ERAP2: variants seen among roughly 807,000 people sequenced by gnomAD.
ERAP2 encodes endoplasmic reticulum aminopeptidase 2.
Under a neutral mutation model 111.1 loss-of-function variants are expected in ERAP2, and 118 were observed. That is an observed-to-expected ratio of 1.06 (90% CI 0.92 to 1.24). The LOEUF is 1.24. ERAP2 is among the 50% of genes most tolerant of loss of function. The pLI, the probability that ERAP2 is intolerant of heterozygous loss-of-function variation, is 0.00. For synonymous variants in ERAP2, 410 were observed against 401.2 expected, an observed-to-expected ratio of 1.02 and a Z score of -0.26; for missense variants, 1,131 against 1,125.8, an observed-to-expected ratio of 1.00 and a Z score of -0.07.
At position 96,903,428 on chromosome 5, in the gene ERAP2, C is replaced by G; in HGVS notation, c.1880C>G (p.Ser627Ter). Residue 627 changes from serine to a stop codon, truncating the protein, a stop_gained, in exon 13 of 19, where the codon TCA (serine) becomes TGA (stop). Coordinates refer to ENST00000437043, the MANE Select transcript of ERAP2 (RefSeq NM_022350.5). LOFTEE classifies it high-confidence loss of function. ...KTSWVKFNVD[S>*]NGYYIVHYEG... is the part of the protein sequence containing the mutation. The stretch of plus-strand genomic sequence containing the variant: ...AGTTGGGTGAAATTTAATGTGGACT[C>G]AAATGGTTACTACATCGTTCACTAT... 1 of 1,613,868 alleles carries G rather than the reference C, an allele frequency of 6.2e-7. No homozygotes were observed. Among genetic ancestry groups the G allele is most frequent in the Non-Finnish European group, 8.5e-7 (1 of 1,179,884 alleles).
chr5:96,917,219 G>A (rs545714140), intron 18 of ERAP2, among the ~76,000 whole-genome samples: 4 of 142,432 alleles, frequency 2.8e-5, no homozygotes, highest in East Asian at 2.0e-4. Flanking sequence ...CAATCCTCCC[G>A]CCTCAGCCTT....
At chr5:96,882,197 T>A (rs2151119172) in intron 2 of ERAP2, among the ~76,000 whole-genome samples, 1 of 152,366 alleles carries the variant, frequency 6.6e-6, no homozygotes, top group Non-Finnish European at 1.5e-5. Context: ...AGTGTCAACT[T>A]CTTCTCACTA....
chr5:96,892,744 T>A (rs1305346055), intron 6 of ERAP2, among the ~76,000 whole-genome samples: 1 of 152,158 alleles, frequency 6.6e-6, no homozygotes, highest in Non-Finnish European at 1.5e-5. Flanking sequence ...TACAGACACA[T>A]GAAGCACAGA....
intron 15 of ERAP2, among the ~76,000 whole-genome samples, chr5:96,911,878 A>G (rs1397501492): frequency 2.3e-5 from 3 of 130,342 alleles, no homozygotes; most frequent in South Asian, 2.4e-4. Flanking sequence ...AAAAAAAAAA[A>G]AAAGAAAGAA....
intron 18 of ERAP2, 33 bp from the exon 19 acceptor site, chr5:96,917,429 G>A (rs1787539564): frequency 6.4e-7 from 1 of 1,569,476 alleles, no homozygotes; most frequent in Non-Finnish European, 8.7e-7. Flanking sequence ...CCAAGACAAA[G>A]TGTTAGTAAT....
At position 96,895,300 on chromosome 5, in the gene ERAP2, G is replaced by A; in HGVS notation, c.1180G>A (p.Gly394Ser). ...EWWNDIWLKE[G>S]FAKYMELIAV... is the part of the protein sequence containing the mutation. ...GTGGAATGATATTTGGCTTAAGGAG[G>A]GTTTTGCAAAATACATGGAACTTAT... is the stretch of plus-strand genomic sequence containing the variant. The change falls in exon 7 of 19, where the codon GGT (glycine) becomes AGT (serine). Residue 394 changes from glycine (G) to serine (S), a missense_variant. Physicochemically the swap from Gly to Ser is moderately conservative, Grantham distance 56. This residue lies in a region of ERAP2 where 847 missense variants were observed against 856.5 expected (regional missense o/e 0.99). Coordinates refer to ENST00000437043, the MANE Select transcript of ERAP2 (RefSeq NM_022350.5). 6.8e-6 allele frequency: 11 copies of A among 1,612,858 alleles called. No individual in the cohort carries two copies. The highest frequency in any genetic ancestry group is 9.3e-6 in the Non-Finnish European group (11 of 1,179,448).
At chr5:96,897,544 C>CT (rs5869736) in intron 9 of ERAP2, among the ~76,000 whole-genome samples, 82,184 of 151,822 alleles carry the variant, frequency 0.54, 22,309 homozygotes, top group Admixed American at 0.59. Flanking sequence ...TGTGTCTATT[C>CT]TTTTTTTAAT....
Position 96,901,507 on chromosome 5 carries a change from T to A in ERAP2, c.1574T>A (p.Leu525His), listed in dbSNP as rs763020177. Residue 525 changes from leucine (L) to histidine (H), a missense_variant and splice_region_variant, in exon 11 of 19, where the codon CTC becomes CAC. By Grantham distance (99) the Leu-to-His change is moderately conservative (BLOSUM62 -3). Transcript: ENST00000437043. ...HSDPKMTSNM[L>H]AFLGENAEVK... is the part of the protein sequence containing the mutation. ...TATCATAGTCACCTGTCATTTCAGCTCGCCTTTCTGGGGGAAAATGCAGAG... is the reference window on the plus strand; with the variant it reads ...TATCATAGTCACCTGTCATTTCAGCACGCCTTTCTGGGGGAAAATGCAGAG... The A allele has an allele frequency of 6.2e-7, 1 of 1,613,090 alleles. No individual in the cohort carries two copies. Among genetic ancestry groups the A allele is most frequent in the Non-Finnish European group, 8.5e-7 (1 of 1,179,304 alleles).
Position 96,896,996 on chromosome 5 carries a change from T to G in ERAP2, c.1503+133T>G, listed in dbSNP as rs79781870. 4.1e-3 allele frequency: 1,115 copies of G among 270,020 alleles called. 23 individuals carry two copies. In the African/African-American group the frequency reaches 0.044, roughly 11 times the overall value. 16.7% of individuals were successfully genotyped at this position (270,020 alleles called of 1,614,324 possible). A position where few individuals can be genotyped will look rare whatever the true frequency, so the allele number is the denominator to read the frequency against. ...CTGCTTGCTATGTTGTCATGGTCTA[T>G]AGAAGGCAGCACTTCCCTTTTTCCT... On this transcript the variant is annotated intron_variant, in intron 9 of 18. Transcript: ENST00000437043.
At position 96,900,131 on chromosome 5, in the gene ERAP2, A is replaced by C. The variant is rs780781922; in HGVS notation, c.1514A>C (p.Glu505Ala). 6.2e-6 allele frequency: 10 copies of C among 1,613,744 alleles called. No individual in the cohort carries two copies. In the African/African-American group the frequency reaches 1.1e-4, roughly 17 times the overall value. The stretch of plus-strand genomic sequence containing the variant: ...GTTCTTGTTTTGTAGAGTTGTTTAG[A>C]AAGTGATTTTACATCTGGTGGAGTT... ...LWSSLSNSCL[E>A]SDFTSGGVCH... The change falls in exon 10 of 19, where the codon GAA (glutamate) becomes GCA (alanine). Residue 505 changes from glutamate (E) to alanine (A), a missense_variant. By Grantham distance (107) the Glu-to-Ala change is moderately radical. Transcript: ENST00000437043.
Position 96,883,917 on chromosome 5 carries a change from C to T in ERAP2, c.701C>T (p.Ser234Phe), listed in dbSNP as rs765813173. Residue 234 changes from serine to phenylalanine, a missense_variant, in exon 3 of 19, where the codon TCC becomes TTC. Coordinates refer to ENST00000437043, the MANE Select transcript of ERAP2 (RefSeq NM_022350.5). ...IRRESRHIAL[S>F]NMPKVKTIEL... ...AGAGAGAGCAGGCATATTGCACTAT[C>T]CAACATGCCAAAGGTATGTCCACTT... 87 of 1,605,976 alleles carry T rather than the reference C, an allele frequency of 5.4e-5. No individual in the cohort carries two copies. In the South Asian group the frequency reaches 9.5e-4, roughly 18 times the overall value.
intron 13 of ERAP2, among the ~76,000 whole-genome samples, chr5:96,906,881 A>C (rs1786149841): frequency 6.6e-6 from 1 of 152,144 alleles, no homozygotes; most frequent in Non-Finnish European, 1.5e-5. Context: ...AAATTATAAA[A>C]ATTAGCTGGG....
intron 5 of ERAP2, among the ~76,000 whole-genome samples, chr5:96,891,494 T>TGA (rs1784362248): frequency 1.1e-5 from 1 of 89,706 alleles, no homozygotes; most frequent in African/African-American, 4.5e-5. Context: ...TGTGTGTGTG[T>TGA]GTGTGTATAT....
At chr5:96,886,093 C>T (rs1420695024) in intron 3 of ERAP2, among the ~76,000 whole-genome samples, 2 of 152,206 alleles carry the variant, frequency 1.3e-5, no homozygotes, top group Non-Finnish European at 2.9e-5. Context: ...TTGGTCCTAC[C>T]GTGGAACTAG....
chr5:96,877,609 A>G (rs193096468), intron 1 of ERAP2, among the ~76,000 whole-genome samples: 5 of 152,374 alleles, frequency 3.3e-5, no homozygotes, highest in Admixed American at 6.5e-5. Context: ...TATGGTTGAG[A>G]TAAATGAAGC....
At chr5:96,899,706 C>A (rs1251767506) in intron 9 of ERAP2, among the ~76,000 whole-genome samples, 1 of 152,138 alleles carries the variant, frequency 6.6e-6, no homozygotes, top group Non-Finnish European at 1.5e-5. Context: ...TGTCAAAGAA[C>A]TTGTAATATG....
intron 1 of ERAP2, among the ~76,000 whole-genome samples, chr5:96,876,930 A>G (rs933755101): frequency 1.3e-5 from 2 of 152,090 alleles, no homozygotes; most frequent in South Asian, 4.1e-4. Context: ...TTGAGAAGTC[A>G]CCATCCTGTT....
At chr5:96,900,026 G>A (rs1385199143) in intron 9 of ERAP2, 95 bp from the exon 10 acceptor site, 2 of 1,376,808 alleles carry the variant, frequency 1.5e-6, no homozygotes, top group Non-Finnish European at 2.0e-6. Flanking sequence ...ATTTCATATA[G>A]CTCTTTTAAT....
chr5:96,887,036 G>A (rs1783802253), intron 4 of ERAP2, among the ~76,000 whole-genome samples: 1 of 146,074 alleles, frequency 6.8e-6, no homozygotes, highest in Admixed American at 6.9e-5. Context: ...CATAGTAACA[G>A]TATTTACTTA....
Sources: gnomAD v4.1 joint callset for allele counts (sites outside exome capture counted in the v4.1 genomes callset) on GRCh38, gnomAD v4.1.1 for gene constraint, gnomAD v4.1.1 regional missense constraint, MANE v1.5 for transcripts, NCBI Gene and HGNC (gene_info 2026-07-23, HGNC 2026-07-21) for gene names.